PCBP3: variants seen among roughly 807,000 people sequenced by gnomAD.
The protein encoded by PCBP3 is poly(rC) binding protein 3, also known as poly(rC)-binding protein 3.
PCBP3 carries 25 observed loss-of-function variants against 52.7 expected under a neutral mutation model. The observed-to-expected ratio is 0.47, with a 90% CI of 0.35 to 0.66. The LOEUF is 0.66. Among genes scored for constraint, PCBP3 ranks in the 30% least tolerant of loss-of-function variants. The pLI is 0.01. For synonymous variants in PCBP3, 162 were observed against 183.0 expected, an observed-to-expected ratio of 0.89 and a Z score of 0.93; for missense variants, 391 against 490.3, an observed-to-expected ratio of 0.80 and a Z score of 1.91.
At chr21:45,845,645 T>C (rs1462051542) in intron 4 of PCBP3, among the ~76,000 whole-genome samples, 3 of 150,948 alleles carry the variant, frequency 2.0e-5, no homozygotes, top group African/African-American at 4.9e-5. Flanking sequence ...CGTGTGCACA[T>C]GTGTGAGTGT....
intron 8 of PCBP3, 68 bp downstream of exon 8, chr21:45,900,691 G>C (rs2075890): frequency 3.0e-6 from 3 of 1,011,864 alleles, no homozygotes. Flanking sequence ...CCCAGGCTCT[G>C]CCCCTGCCGA....
At chr21:45,713,240 A>C (rs1569143426) in intron 2 of PCBP3, among the ~76,000 whole-genome samples, 1 of 152,166 alleles carries the variant, frequency 6.6e-6, no homozygotes, top group Non-Finnish European at 1.5e-5. Context: ...CAGATAAAGC[A>C]CCGCCAGCAA....
rs181534908 is a variant in PCBP3, at chr21:45,730,720, A to C, written c.-199-4672A>C. 3.5e-4 allele frequency among the ~76,000 whole-genome samples: 54 copies of C among 152,230 alleles called. No homozygotes were observed. In the East Asian group the frequency reaches 9.8e-3, roughly 28 times the overall value. The stretch of plus-strand genomic sequence containing the variant: ...TTTTAAGCTCTTTATTAGGTGTGTG[A>C]ACGTTTAGGGTTATTATTTTCTCTT... On this transcript the variant is annotated intron_variant, in intron 2 of 17. Transcript: ENST00000681687.
intron 2 of PCBP3, among the ~76,000 whole-genome samples, chr21:45,713,015 T>C (rs114961204): frequency 0.021 from 3,139 of 152,150 alleles, 116 homozygotes; most frequent in African/African-American, 0.072. Context: ...GTGAGCCACC[T>C]TACCTGGCCG....
At chr21:45,740,556 G>C (rs1270127957) in intron 3 of PCBP3, among the ~76,000 whole-genome samples, 2 of 152,166 alleles carry the variant, frequency 1.3e-5, no homozygotes, top group East Asian at 3.9e-4. Context: ...GGTCAGAGCA[G>C]ATCTGAACCT....
At chr21:45,649,698 A>T (rs1454260717) in intron 1 of PCBP3, among the ~76,000 whole-genome samples, 1 of 151,952 alleles carries the variant, frequency 6.6e-6, no homozygotes, top group Non-Finnish European at 1.5e-5. Flanking sequence ...TGCTTGGACC[A>T]CTAGAGAAAG....
chr21:45,811,082 A>G (rs1350028348), intron 4 of PCBP3, among the ~76,000 whole-genome samples: 1 of 151,266 alleles, frequency 6.6e-6, no homozygotes, highest in African/African-American at 2.4e-5. Flanking sequence ...TTGTATTTTT[A>G]TATTAACCTT....
intron 4 of PCBP3, among the ~76,000 whole-genome samples, chr21:45,838,687 G>A (rs1422862807): frequency 6.6e-6 from 1 of 152,032 alleles, no homozygotes; most frequent in African/African-American, 2.4e-5. Context: ...TATATAACAG[G>A]TTTGGAGAAT....
intron 4 of PCBP3, among the ~76,000 whole-genome samples, chr21:45,815,002 GAGTGGTGAGTGATGA>G (rs2092839855): frequency 3.2e-5 from 4 of 124,662 alleles, no homozygotes; most frequent in Non-Finnish European, 5.1e-5. Context: ...AGTGGTGAGT[GAGTGGTGAGTGATGA>G]GTGAGTGGTG....
chr21:45,753,320 C>A (rs2087721916), intron 3 of PCBP3, among the ~76,000 whole-genome samples: 2 of 151,196 alleles, frequency 1.3e-5, no homozygotes, highest in African/African-American at 2.4e-5. Context: ...TAAATTGAAC[C>A]TTTTAATCTT....
chr21:45,896,315 G>T lies in PCBP3; in HGVS notation c.118G>T (p.Gly40Cys). Residue 40 changes from glycine (G) to cysteine (C), a missense_variant, in exon 6 of 18, where the codon GGT becomes TGT. Transcript: ENST00000681687. ...GRRMESKVSE[G>C]GLNVTLTIRL... ...AAGGATGGAGTCCAAGGTCTCAGAA[G>T]GTGGCCTGAATGTGACCCTCACCAT... The T allele has an allele frequency of 1.3e-6, 2 of 1,552,128 alleles. No homozygotes were observed. Among genetic ancestry groups the T allele is most frequent in the Non-Finnish European group, 1.7e-6 (2 of 1,147,094 alleles).
chr21:45,837,259 C>G lies in PCBP3; in HGVS notation c.-125-12702C>G, dbSNP rs1036544283. Among the ~76,000 whole-genome samples the G allele has an allele frequency of 4.6e-5, 7 of 152,390 alleles. No homozygotes were observed. The South Asian group carries it at 1.2e-3, about 27-fold the overall frequency. On this transcript the variant is annotated intron_variant, in intron 4 of 17. Transcript: ENST00000681687. The surrounding 1 kb of genome is among the most constrained non-coding windows in gnomAD (Gnocchi z 4.1). The stretch of plus-strand genomic sequence containing the variant: ...ACTGTGGTCTGTATCTCCCGTTCCA[C>G]ATGCTCTTGTGCTGTGACTTTGATG...
At chr21:45,897,326 C>T (rs1417111328) in intron 6 of PCBP3, among the ~76,000 whole-genome samples, 1 of 152,212 alleles carries the variant, frequency 6.6e-6, no homozygotes, top group Non-Finnish European at 1.5e-5. Flanking sequence ...GTCCCTTCCA[C>T]CTGGAGTAGG....
chr21:45,836,923 T>A (rs1246801110), intron 4 of PCBP3, among the ~76,000 whole-genome samples: 2 of 152,144 alleles, frequency 1.3e-5, no homozygotes, highest in African/African-American at 4.8e-5. Context: ...AGTGTGTGAA[T>A]AGGCATCATT....
intron 4 of PCBP3, among the ~76,000 whole-genome samples, chr21:45,818,332 A>G (rs1179261374): frequency 6.6e-6 from 1 of 152,076 alleles, no homozygotes; most frequent in East Asian, 1.9e-4. Context: ...GTTCATTGTT[A>G]TTCACGGATG....
chr21:45,737,251 C>T lies in PCBP3; in HGVS notation c.-162+1822C>T, dbSNP rs774345690. Among the ~76,000 whole-genome samples, 9 of 152,148 alleles carry T rather than the reference C, an allele frequency of 5.9e-5. No homozygotes were observed. Among genetic ancestry groups the T allele is most frequent in the Non-Finnish European group, 1.2e-4 (8 of 68,016 alleles). ...GCAGGGTGGGTGTGGGAGCAGGGAG[C>T]CAGCCAGTCTCTTCTCTGTGCTAGG... On this transcript the variant is annotated intron_variant, in intron 3 of 17. Coordinates refer to ENST00000681687, the MANE Select transcript of PCBP3 (RefSeq NM_001384156.1). This position sits in a 1 kb window ranked among gnomAD's most constrained non-coding sequence, Gnocchi z 4.9.
chr21:45,720,179 C>T (rs1355930856), intron 2 of PCBP3, among the ~76,000 whole-genome samples: 1 of 152,164 alleles, frequency 6.6e-6, no homozygotes, highest in Non-Finnish European at 1.5e-5. Flanking sequence ...ATCAACCTGT[C>T]ATCTACATCA....
chr21:45,663,668 A>G (rs1013890477), intron 1 of PCBP3, among the ~76,000 whole-genome samples: 1 of 152,040 alleles, frequency 6.6e-6, no homozygotes, highest in South Asian at 2.1e-4. Flanking sequence ...TTAACTTTTC[A>G]AAGATCAGTT....
Position 45,850,044 on chromosome 21 carries a change from C to T in PCBP3, c.-42C>T. On this transcript the variant is annotated 5_prime_UTR_variant, in exon 5 of 18. Coordinates refer to ENST00000681687, the MANE Select transcript of PCBP3 (RefSeq NM_001384156.1). ...TGCTCTGAGTTCAATACGTCTGAAC[C>T]TTTGCTGTCTATGGATCTGCTCTAA... is the stretch of plus-strand genomic sequence containing the variant. 1.3e-6 allele frequency: 2 copies of T among 1,536,590 alleles called. No homozygotes were observed. Among genetic ancestry groups the T allele is most frequent in the South Asian group, 1.2e-5 (1 of 83,746 alleles).
Sources: allele counts gnomAD v4.1 joint callset (sites outside exome capture counted in the v4.1 genomes callset), GRCh38; gene constraint gnomAD v4.1.1; non-coding constraint Gnocchi (gnomAD v3.1); transcripts MANE v1.5; gene names NCBI Gene and HGNC (gene_info 2026-07-23, HGNC 2026-07-21).